FGD6: variants seen among roughly 807,000 people sequenced by gnomAD.
The protein encoded by FGD6 is FYVE, RhoGEF and PH domain containing 6.
Under a neutral mutation model 149.4 loss-of-function variants are expected in FGD6, and 90 were observed. The ratio of observed to expected loss-of-function variants is 0.60; its 90% CI spans 0.51 to 0.72. FGD6 has a LOEUF of 0.72. FGD6 is among the 30% of genes least tolerant of loss of function. The pLI, the probability that FGD6 is intolerant of heterozygous loss-of-function variation, is 0.00. For synonymous variants in FGD6, 527 were observed against 584.0 expected (o/e 0.90, Z 1.41); for missense variants, 1,437 against 1,684.8 (o/e 0.85, Z 2.57).
At chr12:95,204,518 C>A (rs575400094) in intron 2 of FGD6, among the ~76,000 whole-genome samples, 14 of 152,308 alleles carry the variant, frequency 9.2e-5, no homozygotes, top group East Asian at 3.9e-4. Flanking sequence ...TCACTCCTGA[C>A]GACTTTCAGT....
chr12:95,098,609 G>A (rs1878318089), intron 14 of FGD6, among the ~76,000 whole-genome samples: 1 of 152,134 alleles, frequency 6.6e-6, no homozygotes, highest in African/African-American at 2.4e-5. Flanking sequence ...CTAATGACCA[G>A]GAGGCTCTTC....
intron 5 of FGD6, among the ~76,000 whole-genome samples, chr12:95,149,294 TATATA>T (rs1399325472): frequency 3.5e-5 from 3 of 86,904 alleles, no homozygotes; most frequent in Non-Finnish European, 4.2e-5. Flanking sequence ...TATAATATTA[TATATA>T]ATATATTATA....
intron 2 of FGD6, among the ~76,000 whole-genome samples, chr12:95,176,596 C>A (rs371970918): frequency 4.6e-5 from 7 of 152,190 alleles, no homozygotes; most frequent in African/African-American, 1.7e-4. Context: ...ACTTAAATTC[C>A]TACTGATGGG....
At chr12:95,133,604 C>T (rs1355702918) in intron 8 of FGD6, among the ~76,000 whole-genome samples, 4 of 152,150 alleles carry the variant, frequency 2.6e-5, no homozygotes, top group Non-Finnish European at 4.4e-5. Flanking sequence ...AAACCCAGTA[C>T]CTCCAAATTT....
At chr12:95,166,856 T>C (rs1197144208) in intron 3 of FGD6, among the ~76,000 whole-genome samples, 118 of 22,052 alleles carry the variant, frequency 5.4e-3, no homozygotes, top group Non-Finnish European at 1.0e-2. Flanking sequence ...TCTTTCTACT[T>C]TTTTTTTTTT....
At chr12:95,098,526 T>TGCCACACTGACCTTCCAATTCTC (rs1878315673) in intron 14 of FGD6, among the ~76,000 whole-genome samples, 2 of 152,200 alleles carry the variant, frequency 1.3e-5, no homozygotes, top group Admixed American at 1.3e-4. Context: ...CTTGAGCTCG[T>TGCCACACTGACCTTCCAATTCTC]GCCACACTGA....
chr12:95,154,292 A>G (rs1237198791), intron 3 of FGD6, among the ~76,000 whole-genome samples: 1 of 152,164 alleles, frequency 6.6e-6, no homozygotes, highest in African/African-American at 2.4e-5. Context: ...TACTTTGTAT[A>G]AAAACTAAAT....
chr12:95,083,030 T>TATATATAC lies in FGD6; in HGVS notation c.4256+1467_4256+1468insGTATATAT, dbSNP rs772685891. 6.3e-3 allele frequency among the ~76,000 whole-genome samples: 346 copies of TATATATAC among 55,156 alleles called. 6 individuals carry two copies. The highest frequency in any genetic ancestry group is 0.013 in the African/African-American group (152 of 11,722). The allele number at this position is 55,156 out of a possible 152,430, so 36.2% of individuals were successfully genotyped here. A position where few individuals can be genotyped will look rare whatever the true frequency, so the allele number is the denominator to read the frequency against. On this transcript the variant is annotated intron_variant, in intron 20 of 20. Transcript: ENST00000343958. ...AAAAAAAAATATATATATATATATA[T>TATATATAC]ACACACACATACACACACACACACA... is the stretch of plus-strand genomic sequence containing the variant.
At chr12:95,201,953 AATACACAC>A (rs1170718401) in intron 2 of FGD6, among the ~76,000 whole-genome samples, 3 of 96,868 alleles carry the variant, frequency 3.1e-5, no homozygotes, top group Admixed American at 1.4e-4. Flanking sequence ...AGCAGGACAG[AATACACAC>A]ACACACACAC....
At chr12:95,186,602 C>A (rs754264506) in intron 2 of FGD6, among the ~76,000 whole-genome samples, 1 of 151,340 alleles carries the variant, frequency 6.6e-6, no homozygotes, top group Non-Finnish European at 1.5e-5. Context: ...TGGAAAACAT[C>A]CATGCTCATT....
rs577881131 is a variant in FGD6, at chr12:95,109,670, C to T, written c.3134-1109G>A. 2.6e-5 allele frequency among the ~76,000 whole-genome samples: 4 copies of T among 152,184 alleles called. 1 individual carries two copies. The South Asian group carries it at 8.3e-4, about 32-fold the overall frequency. ...TTGAGCTCAGGAGATCGAGACCAGC[C>T]TCAGCAATAAGGTAAAACCTTGTTT... On this transcript the variant is annotated intron_variant, in intron 9 of 20. Coordinates refer to ENST00000343958, the MANE Select transcript of FGD6 (RefSeq NM_018351.4).
intron 2 of FGD6, among the ~76,000 whole-genome samples, chr12:95,173,131 C>A (rs1881039302): frequency 6.6e-6 from 1 of 152,104 alleles, no homozygotes; most frequent in Admixed American, 6.6e-5. Flanking sequence ...TTTCCTTGGG[C>A]CTTGGTGTTT....
chr12:95,201,272 C>T (rs964124895), intron 2 of FGD6, among the ~76,000 whole-genome samples: 2 of 152,124 alleles, frequency 1.3e-5, no homozygotes, highest in African/African-American at 4.8e-5. Context: ...TTCATCTCCA[C>T]CTCTTCATCC....
intron 2 of FGD6, among the ~76,000 whole-genome samples, chr12:95,183,854 A>G (rs2136289481): frequency 6.6e-6 from 1 of 152,224 alleles, no homozygotes; most frequent in African/African-American, 2.4e-5. Flanking sequence ...AAAAACAACA[A>G]CAAAACAACC....
At chr12:95,117,420 C>T (rs1333363098) in intron 8 of FGD6, among the ~76,000 whole-genome samples, 2 of 149,790 alleles carry the variant, frequency 1.3e-5, no homozygotes, top group East Asian at 3.9e-4. Context: ...ATGCAAGCTG[C>T]CTTTTTTTTT....
chr12:95,096,329 C>A (rs1878230166), intron 14 of FGD6, among the ~76,000 whole-genome samples: 1 of 152,150 alleles, frequency 6.6e-6, no homozygotes, highest in Admixed American at 6.5e-5. Flanking sequence ...GAAAGCGCCT[C>A]CCTAATCCAT....
chr12:95,088,394 A>C (rs1327397831), intron 18 of FGD6, among the ~76,000 whole-genome samples: 2 of 152,220 alleles, frequency 1.3e-5, no homozygotes, highest in Non-Finnish European at 2.9e-5. Context: ...ATTAAAAAAA[A>C]ATAATCCAAC....
At chr12:95,123,451 T>C (rs1225259806) in intron 8 of FGD6, among the ~76,000 whole-genome samples, 7 of 152,088 alleles carry the variant, frequency 4.6e-5, no homozygotes, top group Non-Finnish European at 1.5e-5. Flanking sequence ...AGGCAAAATT[T>C]TGACACAGAT....
rs377596362 is a variant in FGD6, at chr12:95,208,984, A to G, written c.2300T>C (p.Met767Thr). The G allele has an allele frequency of 1.6e-5, 26 of 1,614,008 alleles. No homozygotes were observed. The highest frequency in any genetic ancestry group is 2.7e-5 in the African/African-American group (2 of 74,900). ...CAACTCTTGAGTTTTCCGTATAGCCATAATAAATGGCAAGTTCTCGTACTC... is the reference window on the plus strand; with the variant it reads ...CAACTCTTGAGTTTTCCGTATAGCCGTAATAAATGGCAAGTTCTCGTACTC... ...IPEYENLPFI[M>T]AIRKTQELEW... The change falls in exon 2 of 21, where the codon ATG (methionine) becomes ACG (threonine). Residue 767 changes from methionine (M) to threonine (T), a missense_variant. Met to Thr is a moderately conservative substitution (Grantham distance 81, BLOSUM62 -1). Transcript: ENST00000343958.
Sources: allele counts gnomAD v4.1 joint callset (sites outside exome capture counted in the v4.1 genomes callset), GRCh38; gene constraint gnomAD v4.1.1; transcripts MANE v1.5; gene names NCBI Gene and HGNC (gene_info 2026-07-23, HGNC 2026-07-21).